The following MTMR8 variants were observed in gnomAD, a reference collection of about 807,000 sequenced individuals.
MTMR8 encodes phosphatidylinositol-3,5-bisphosphate 3-phosphatase MTMR8.
In MTMR8, 65 loss-of-function variants were observed where a neutral mutation model predicts 39.3. The ratio of observed to expected loss-of-function variants is 1.65; its 90% confidence interval spans 1.35 to 2.03. The LOEUF (loss-of-function observed/expected upper bound fraction) is 2.03, where lower values mean the gene tolerates loss of function less well. Among genes scored for constraint, MTMR8 ranks in the 30% most tolerant of loss-of-function variants. MTMR8 has a pLI of 0.00. For missense variants in MTMR8, 777 were observed against 538.9 expected (o/e 1.44, Z -4.37); for synonymous variants, 245 against 185.2 (o/e 1.32, Z -2.62).
chrX:64,333,447 G>T (rs1179720583), intron 10 of MTMR8, among the ~76,000 whole-genome samples: 1 of 111,711 alleles, frequency 9.0e-6, no homozygotes, highest in South Asian at 3.8e-4. Context: ...CCATGGAAAA[G>T]GTGTTCTTCA....
chrX:64,296,362 G>T (rs1213505983), intron 12 of MTMR8, among the ~76,000 whole-genome samples: 2 of 110,982 alleles, frequency 1.8e-5, no homozygotes, highest in Non-Finnish European at 3.8e-5. Flanking sequence ...TTCTGTTTGG[G>T]ATGATGAAAG....
At chrX:64,381,669 G>C (rs928779461) in intron 1 of MTMR8, among the ~76,000 whole-genome samples, 4 of 111,109 alleles carry the variant, frequency 3.6e-5, no homozygotes, top group African/African-American at 9.8e-5. Context: ...TAGACATGAA[G>C]TCCTTGCCCA....
intron 12 of MTMR8, chrX:64,305,862 T>C: frequency 3.6e-6 from 1 of 280,036 alleles, no homozygotes; most frequent in Admixed American, 4.7e-5. Context: ...ACACTTGGAA[T>C]GCTAGCACTT....
chrX:64,359,698 T>A (rs1480550927), intron 1 of MTMR8, among the ~76,000 whole-genome samples, 171 bp from the exon 2 acceptor site: 1 of 110,619 alleles, frequency 9.0e-6, no homozygotes, highest in African/African-American at 3.3e-5. Context: ...CTGAAATCAG[T>A]GCGGGAAAAA....
chrX:64,342,204 G>A (rs769158704), intron 8 of MTMR8, among the ~76,000 whole-genome samples: 1 of 112,726 alleles, frequency 8.9e-6, no homozygotes, highest in African/African-American at 3.2e-5. Context: ...GCAGTTAAGA[G>A]GTTATTACAC....
intron 12 of MTMR8, among the ~76,000 whole-genome samples, chrX:64,304,373 C>T (rs752948945): frequency 1.3e-4 from 14 of 111,839 alleles, no homozygotes; most frequent in Admixed American, 4.7e-4. Context: ...ACCACTACCA[C>T]ACTCCTGTAC....
intron 12 of MTMR8, among the ~76,000 whole-genome samples, chrX:64,327,804 AAGG>A (rs1401039790): frequency 8.9e-6 from 1 of 111,914 alleles, no homozygotes; most frequent in Admixed American, 9.5e-5. Flanking sequence ...ATGAATTGAG[AAGG>A]AGAATGTGGT....
chrX:64,305,851 C>T (rs1397811833), intron 12 of MTMR8: 2 of 296,646 alleles, frequency 6.7e-6, no homozygotes, highest in Non-Finnish European at 1.3e-5. Context: ...CATGGTGGCT[C>T]ACACTTGGAA....
rs1232982419 is a variant in MTMR8, at chrX:64,300,985, C to G, written c.1481+27787G>C. ...GGGCTTCCCTTTGAGGGTAACCCGA[C>G]CTTTCTCTCTGGCTGCCCTTAACAT... On this transcript the variant is annotated intron_variant, in intron 12 of 13. Coordinates refer to ENST00000374852, the MANE Select transcript of MTMR8 (RefSeq NM_017677.4). Among the ~76,000 whole-genome samples, 12 of 106,593 alleles carry G rather than the reference C, an allele frequency of 1.1e-4. 1 individual carries two copies. Among genetic ancestry groups the G allele is most frequent in the Non-Finnish European group, 1.9e-5 (1 of 51,354 alleles). The allele number at this position is 106,593 out of a possible 115,157, so 92.6% of individuals were successfully genotyped here.
chrX:64,345,008 T>A, intron 7 of MTMR8, 37 bp downstream of exon 7: 1 of 1,199,590 alleles, frequency 8.3e-7, no homozygotes, highest in Non-Finnish European at 1.1e-6. Context: ...AACGCAAAGC[T>A]ATGGCCGCTT....
chrX:64,388,032 C>A (rs2147249307), intron 1 of MTMR8, among the ~76,000 whole-genome samples: 1 of 111,250 alleles, frequency 9.0e-6, no homozygotes, highest in African/African-American at 3.3e-5. Flanking sequence ...AAGCTGTGAA[C>A]CATAATCCAC....
intron 12 of MTMR8, among the ~76,000 whole-genome samples, chrX:64,309,938 C>T (rs912828552): frequency 2.7e-5 from 3 of 111,919 alleles, no homozygotes; most frequent in Non-Finnish European, 3.8e-5. Flanking sequence ...CTTGCCTCGA[C>T]GTTGATGGCT....
At position 64,268,511 on chromosome X, in the gene MTMR8, C is replaced by T. The variant is rs766618052; in HGVS notation, c.*26G>A. 1.2e-5 allele frequency: 14 copies of T among 1,182,482 alleles called. No individual in the cohort carries two copies. In the East Asian group the frequency reaches 1.2e-4, roughly 10 times the overall value. ...AATCATTGTAGCTGCTGTAGGTATA[C>T]CTAGCATGGAAGATGAGTAACTAAC... is the stretch of plus-strand genomic sequence containing the variant. On this transcript the variant is annotated 3_prime_UTR_variant, in exon 14 of 14. Coordinates refer to ENST00000374852, the MANE Select transcript of MTMR8 (RefSeq NM_017677.4).
intron 12 of MTMR8, among the ~76,000 whole-genome samples, chrX:64,271,854 A>G (rs977723958): frequency 1.8e-5 from 2 of 112,293 alleles, no homozygotes; most frequent in Non-Finnish European, 3.8e-5. Context: ...GGCTCAACAC[A>G]GGGTAGGGGG....
At chrX:64,373,405 C>A (rs1429199760) in intron 1 of MTMR8, among the ~76,000 whole-genome samples, 1 of 111,051 alleles carries the variant, frequency 9.0e-6, no homozygotes, top group African/African-American at 3.3e-5. Flanking sequence ...TGTAGCACAT[C>A]CCTCTCTCTC....
Position 64,337,189 on chromosome X carries a change from A to T in MTMR8, c.1101+79T>A, listed in dbSNP as rs1267593018. On this transcript the variant is annotated intron_variant, in intron 9 of 13. Transcript: ENST00000374852. ...CTTAGAGCTAACTCTGGCAAAAAAA[A>T]TATTGTTTGACAGTTATTTTTTATT... 67 of 1,081,807 alleles carry T rather than the reference A, an allele frequency of 6.2e-5. 1 individual carries two copies. The highest frequency in any genetic ancestry group is 8.3e-5 in the Non-Finnish European group (67 of 806,381). The allele number at this position is 1,081,807 out of a possible 1,213,427, so 89.2% of individuals were successfully genotyped here.
At chrX:64,334,162 A>G (rs1348768585) in intron 10 of MTMR8, among the ~76,000 whole-genome samples, 3 of 110,861 alleles carry the variant, frequency 2.7e-5, no homozygotes, top group Non-Finnish European at 5.7e-5. Context: ...TTACTACTGA[A>G]TAGTCTCCCT....
chrX:64,348,595 T>G (rs919861495), intron 6 of MTMR8, 65 bp downstream of exon 6: 2 of 1,157,228 alleles, frequency 1.7e-6, no homozygotes, highest in Non-Finnish European at 2.4e-6. Context: ...ACTGCATGTC[T>G]CAATATATGA....
At chrX:64,359,578 A>G (rs749537550) in intron 1 of MTMR8, 51 bp from the exon 2 acceptor site, 12 of 1,129,765 alleles carry the variant, frequency 1.1e-5, no homozygotes, top group East Asian at 9.2e-5. Flanking sequence ...ACCACCTATG[A>G]TTGAAGTGGG....
Sources: allele counts gnomAD v4.1 joint callset (sites outside exome capture counted in the v4.1 genomes callset), GRCh38; gene constraint gnomAD v4.1.1; transcripts MANE v1.5; gene names NCBI Gene and HGNC (gene_info 2026-07-23, HGNC 2026-07-21).